Variants in TXNDC5 observed in about 807,000 individuals in gnomAD.
TXNDC5 encodes the protein thioredoxin domain containing 5.
Under a neutral mutation model 52.6 loss-of-function variants are expected in TXNDC5, and 44 were observed. The observed-to-expected ratio is 0.84, with a 90% confidence interval of 0.66 to 1.08. The LOEUF is 1.08. TXNDC5 is among the 50% of genes least tolerant of loss of function. The pLI, the probability that TXNDC5 is intolerant of heterozygous loss-of-function variation, is 0.00. For synonymous variants in TXNDC5, 241 were observed against 234.4 expected (o/e 1.03, Z -0.26); for missense variants, 600 against 565.5 (o/e 1.06, Z -0.62).
chr6:7,883,247 A>G lies in TXNDC5; in HGVS notation c.1196T>C (p.Leu399Ser). The change falls in exon 10 of 10, where the codon TTA (leucine) becomes TCA (serine). Residue 399 changes from leucine to serine, a missense_variant. Leu to Ser is a moderately radical substitution (Grantham distance 145, BLOSUM62 -2). Transcript: ENST00000379757. The stretch of plus-strand genomic sequence containing the variant: ...TTTCTTCCCTCCTCGGAAAAGCAAT[A>G]ACGTGGGGTAGCCTCGTACCTTAAA... ...SKYSVRGYPTLLLFRGGKKVS... is the reference protein window; with the variant it reads ...SKYSVRGYPTSLLFRGGKKVS... 6.2e-7 allele frequency: 1 copy of G among 1,614,196 alleles called. No homozygotes were observed.
chr6:7,888,933 G>C lies in TXNDC5; in HGVS notation c.820-85C>G, dbSNP rs540941410. ...GCCTTCCTGCAACCCCTGCTTGCCCGGGTCAGAGCTCCCAGATGTCTTAGC... is the reference window on the plus strand; with the variant it reads ...GCCTTCCTGCAACCCCTGCTTGCCCCGGTCAGAGCTCCCAGATGTCTTAGC... On this transcript the variant is annotated intron_variant, in intron 6 of 9. Transcript: ENST00000379757. 5 of 1,492,864 alleles carry C rather than the reference G, an allele frequency of 3.3e-6. No homozygotes were observed. In the African/African-American group the frequency reaches 7.0e-5, roughly 21 times the overall value. The allele number at this position is 1,492,864 out of a possible 1,614,324, so 92.5% of individuals were successfully genotyped here. A position where few individuals can be genotyped will look rare whatever the true frequency, so the allele number is the denominator to read the frequency against.
rs1759764284 is a variant in TXNDC5, at chr6:7,882,042, AG to A, written c.*1101del. On this transcript the variant is annotated 3_prime_UTR_variant, in exon 10 of 10. Coordinates refer to ENST00000379757, the MANE Select transcript of TXNDC5 (RefSeq NM_030810.5). ...AACAGCTGCCACAGCCGTGCACACC[AG>A]GGCCAGAGCAGCCCACTGACATCTG... 6.5e-6 allele frequency: 1 copy of A among 152,706 alleles called. No homozygotes were observed. The highest frequency in any genetic ancestry group is 2.4e-5 in the African/African-American group (1 of 41,428). 9.5% of individuals were successfully genotyped at this position (152,706 alleles called of 1,614,324 possible).
At chr6:7,887,634 G>A (rs1374988669) in intron 7 of TXNDC5, among the ~76,000 whole-genome samples, 3 of 152,284 alleles carry the variant, frequency 2.0e-5, no homozygotes, top group Admixed American at 6.5e-5. Flanking sequence ...TCCAGCACAC[G>A]TGCATGCCGG....
In TXNDC5 at chr6:7,889,983, A is replaced by G. The variant is rs191605429; in HGVS notation, c.733-402T>C. ...CCCAGACCAGTTCACATGCCAGCTT[A>G]GAATTTACTCTCATGCTGAAGCTTA... is the stretch of plus-strand genomic sequence containing the variant. On this transcript the variant is annotated intron_variant, in intron 5 of 9. Transcript: ENST00000379757. Among the ~76,000 whole-genome samples the G allele has an allele frequency of 3.7e-3, 571 of 152,312 alleles. 2 individuals are homozygous for G. Among genetic ancestry groups the G allele is most frequent in the Non-Finnish European group, 6.8e-3 (464 of 68,036 alleles).
chr6:7,909,750 C>T (rs1760851982), intron 1 of TXNDC5: 2 of 985,452 alleles, frequency 2.0e-6, no homozygotes, highest in Non-Finnish European at 2.4e-6. Flanking sequence ...AGCTCAGCAA[C>T]CCTCCTCTGC....
In TXNDC5 at chr6:7,882,315, G is replaced by C. The variant is rs1251796575; in HGVS notation, c.*829C>G. 6.6e-6 allele frequency: 1 copy of C among 152,238 alleles called. No individual in the cohort carries two copies. The highest frequency in any genetic ancestry group is 2.4e-5 in the African/African-American group (1 of 41,452). The allele number at this position is 152,238 out of a possible 1,614,324, so 9.4% of individuals were successfully genotyped here. A position where few individuals can be genotyped will look rare whatever the true frequency, so the allele number is the denominator to read the frequency against. On this transcript the variant is annotated 3_prime_UTR_variant, in exon 10 of 10. Coordinates refer to ENST00000379757, the MANE Select transcript of TXNDC5 (RefSeq NM_030810.5). Reference sequence around the variant, plus strand: ...CTGGAATCTTTCAATGAGTTAATGAGATACTGAGAATGAGCCTCGTGGAAT... The same window carrying C: ...CTGGAATCTTTCAATGAGTTAATGACATACTGAGAATGAGCCTCGTGGAAT...
At chr6:7,897,405 C>CT (rs1270550667) in intron 3 of TXNDC5, among the ~76,000 whole-genome samples, 1 of 152,152 alleles carries the variant, frequency 6.6e-6, no homozygotes, top group African/African-American at 2.4e-5. Context: ...AGATAAAGAA[C>CT]TTTTTTTAAA....
At position 7,886,042 on chromosome 6, in the gene TXNDC5, C is replaced by A. The variant is rs2113319819; in HGVS notation, c.965G>T (p.Gly322Val). 1 of 1,613,924 alleles carries A rather than the reference C, an allele frequency of 6.2e-7. No individual in the cohort carries two copies. Among genetic ancestry groups the A allele is most frequent in the Middle Eastern group, 1.6e-4 (1 of 6,062 alleles). The change falls in exon 8 of 10, where the codon GGC becomes GTC. Residue 322 changes from glycine to valine, a missense_variant and splice_region_variant. Coordinates refer to ENST00000379757, the MANE Select transcript of TXNDC5 (RefSeq NM_030810.5). ...ATTTTCAGTGAGTGCCAACACAGTG[C>A]CCTTCAAGGGAGGAAAAAGCCACAG... ...VLAAEPEADKGTVLALTENNF... is the reference protein window; with the variant it reads ...VLAAEPEADKVTVLALTENNF...
In TXNDC5 at chr6:7,888,806, C is replaced by A; in HGVS notation, c.862G>T (p.Glu288Ter). ...KGKRDLESLR[E>*]YVESQLQRTE... ...CGCTGCAGCTGCGACTCCACGTACT[C>A]CCTCAGTGACTCCAAATCCCGCTTT... The change falls in exon 7 of 10, where the codon GAG becomes TAG. Residue 288 changes from glutamate (E) to a stop codon, truncating the protein, a stop_gained. Coordinates refer to ENST00000379757, the MANE Select transcript of TXNDC5 (RefSeq NM_030810.5). LOFTEE classifies it high-confidence loss of function. 6.2e-7 allele frequency: 1 copy of A among 1,614,076 alleles called. No homozygotes were observed. The highest frequency in any genetic ancestry group is 8.5e-7 in the Non-Finnish European group (1 of 1,179,972).
chr6:7,891,140 A>G (rs1760176044), intron 5 of TXNDC5, among the ~76,000 whole-genome samples: 1 of 152,230 alleles, frequency 6.6e-6, no homozygotes, highest in South Asian at 2.1e-4. Context: ...AGAAGTTGTC[A>G]GACACCACTC....
chr6:7,899,060 G>C (rs1760473402), intron 3 of TXNDC5, among the ~76,000 whole-genome samples: 1 of 152,188 alleles, frequency 6.6e-6, no homozygotes, highest in Non-Finnish European at 1.5e-5. Context: ...GGAGGGCAAA[G>C]GTCGGGGGGA....
At chr6:7,886,358 G>A (rs1260814315) in intron 7 of TXNDC5, among the ~76,000 whole-genome samples, 2 of 152,132 alleles carry the variant, frequency 1.3e-5, no homozygotes, top group Non-Finnish European at 1.5e-5. Context: ...GAGGCAGGTT[G>A]AAAACTCTCC....
chr6:7,885,459 A>G (rs1046778479), intron 8 of TXNDC5, among the ~76,000 whole-genome samples: 1 of 152,226 alleles, frequency 6.6e-6, no homozygotes, highest in Non-Finnish European at 1.5e-5. Context: ...TCTGGTCTCC[A>G]AGACCACGTG....
At chr6:7,897,844 C>G (rs976865589) in intron 3 of TXNDC5, among the ~76,000 whole-genome samples, 2 of 152,160 alleles carry the variant, frequency 1.3e-5, no homozygotes, top group African/African-American at 4.8e-5. Context: ...TGGTTTGCTA[C>G]CATCCAATAT....
chr6:7,891,810 A>C (rs753670283), intron 4 of TXNDC5, 74 bp from the exon 5 acceptor site: 8 of 1,069,980 alleles, frequency 7.5e-6, no homozygotes, highest in Non-Finnish European at 1.1e-5. Context: ...TAGAGAGTTA[A>C]TTGAAGAATC....
chr6:7,899,772 T>TG lies in TXNDC5; in HGVS notation c.414-92dup, dbSNP rs199620892. The TG allele has an allele frequency of 7.8e-5, 76 of 978,304 alleles. No homozygotes were observed. The East Asian group carries it at 1.9e-3, about 25-fold the overall frequency. The allele number at this position is 978,304 out of a possible 1,614,324, so 60.6% of individuals were successfully genotyped here. A position where few individuals can be genotyped will look rare whatever the true frequency, so the allele number is the denominator to read the frequency against. ...TTAGTGAAACAATCAGAAAATGAGC[T>TG]GTCAAGGGGCTGCAGCCAGGCATGT... On this transcript the variant is annotated intron_variant, in intron 2 of 9. Coordinates refer to ENST00000379757, the MANE Select transcript of TXNDC5 (RefSeq NM_030810.5).
intron 9 of TXNDC5, 74 bp downstream of exon 9, chr6:7,884,285 G>C: frequency 6.3e-7 from 1 of 1,582,384 alleles, no homozygotes; most frequent in Non-Finnish European, 8.6e-7. Flanking sequence ...GTGAGTTATC[G>C]TGGTTGAGGC....
At chr6:7,890,245 T>A (rs777569253) in intron 5 of TXNDC5, among the ~76,000 whole-genome samples, 9 of 152,222 alleles carry the variant, frequency 5.9e-5, no homozygotes, top group Non-Finnish European at 1.0e-4. Context: ...TCTTTTTTAT[T>A]TTCTACCAGC....
At chr6:7,883,287 A>G (rs780029317) in intron 9 of TXNDC5, 21 bp from the exon 10 acceptor site, 1 of 1,610,638 alleles carries the variant, frequency 6.2e-7, no homozygotes, top group South Asian at 1.1e-5. Context: ...AAAAGAAAAA[A>G]GTTTGCAAAC....
Sources: gnomAD v4.1 joint callset for allele counts (sites outside exome capture counted in the v4.1 genomes callset) on GRCh38, gnomAD v4.1.1 for gene constraint, MANE v1.5 for transcripts, NCBI Gene and HGNC (gene_info 2026-07-23, HGNC 2026-07-21) for gene names.